The following MRTFA variants were observed in gnomAD, a reference collection of about 807,000 sequenced individuals.
MRTFA encodes myocardin related transcription factor A.
Under a neutral mutation model 83.5 loss-of-function variants are expected in MRTFA, and 20 were observed. That is an observed-to-expected ratio of 0.24 (90% CI 0.17 to 0.35). The LOEUF (loss-of-function observed/expected upper bound fraction) is 0.35. Among genes scored for constraint, MRTFA ranks in the 10% least tolerant of loss-of-function variants. The pLI is 1.00. For missense variants in MRTFA, 1,200 were observed against 1,224.7 expected (o/e 0.98, Z 0.30); for synonymous variants, 659 against 541.2 (o/e 1.22, Z -3.02).
At chr22:40,556,335 A>C (rs1367771403) in intron 2 of MRTFA, among the ~76,000 whole-genome samples, 3 of 152,204 alleles carry the variant, frequency 2.0e-5, no homozygotes, top group African/African-American at 7.2e-5. Context: ...TTATGATCTA[A>C]CTTCAAGTAA....
intron 4 of MRTFA, among the ~76,000 whole-genome samples, chr22:40,461,748 C>G (rs1485422014): frequency 6.6e-6 from 1 of 151,460 alleles, no homozygotes; most frequent in Admixed American, 6.6e-5. Flanking sequence ...GCAGTGAGCC[C>G]AGATTATGCC....
At chr22:40,567,464 C>G (rs1453839912) in intron 2 of MRTFA, among the ~76,000 whole-genome samples, 1 of 152,168 alleles carries the variant, frequency 6.6e-6, no homozygotes. Context: ...ATCATCTGCA[C>G]ATATTTTGTG....
intron 3 of MRTFA, among the ~76,000 whole-genome samples, chr22:40,530,468 T>C (rs1262664644): frequency 6.6e-6 from 1 of 152,188 alleles, no homozygotes; most frequent in African/African-American, 2.4e-5. Flanking sequence ...GGCTAATTTC[T>C]GTATTTTTAG....
chr22:40,628,594 CAATAAG>C (rs1407032125), intron 1 of MRTFA, among the ~76,000 whole-genome samples: 2 of 151,258 alleles, frequency 1.3e-5, no homozygotes, highest in African/African-American at 2.4e-5. Context: ...AAATGCATAT[CAATAAG>C]AATGAGTGGG....
chr22:40,604,128 CTTTT>C (rs959099655), intron 1 of MRTFA, among the ~76,000 whole-genome samples: 2 of 140,852 alleles, frequency 1.4e-5, no homozygotes, highest in African/African-American at 5.2e-5. Flanking sequence ...CTGTTAGTTT[CTTTT>C]TTTTTTTTTT....
At chr22:40,542,234 C>T (rs1424477643) in intron 3 of MRTFA, among the ~76,000 whole-genome samples, 1 of 152,148 alleles carries the variant, frequency 6.6e-6, no homozygotes, top group Non-Finnish European at 1.5e-5. Flanking sequence ...TTCACACACG[C>T]TATTACTTCT....
At chr22:40,634,638 T>C (rs2056675496) in intron 1 of MRTFA, among the ~76,000 whole-genome samples, 1 of 152,180 alleles carries the variant, frequency 6.6e-6, no homozygotes, top group Admixed American at 6.5e-5. Flanking sequence ...CTCACTTATC[T>C]TGACAGCCCC....
chr22:40,483,364 C>T (rs1011737981), intron 3 of MRTFA, among the ~76,000 whole-genome samples: 4 of 149,988 alleles, frequency 2.7e-5, no homozygotes, highest in African/African-American at 9.9e-5. Context: ...TATGACAGAC[C>T]TAAAGTAATT....
At chr22:40,438,345 A>G (rs2053210751) in intron 4 of MRTFA, among the ~76,000 whole-genome samples, 1 of 152,242 alleles carries the variant, frequency 6.6e-6, no homozygotes, top group Admixed American at 6.5e-5. Flanking sequence ...ATTCACTTAC[A>G]GGCCAGCTAG....
intron 4 of MRTFA, among the ~76,000 whole-genome samples, chr22:40,461,809 A>C: frequency 6.6e-6 from 1 of 151,962 alleles, no homozygotes. Context: ...AAAAAAAAAA[A>C]TTAAAATTAA....
rs147864441 is a variant in MRTFA at position 40,561,724 on chromosome 22, T to C, written c.-21-9357A>G. 1.4e-4 allele frequency among the ~76,000 whole-genome samples: 21 copies of C among 152,248 alleles called. 1 individual carries two copies. In the South Asian group the frequency reaches 3.7e-3, roughly 27 times the overall value. ...ATATAACAAAACAATGGAAAGCACA[T>C]GGAAGAGTAATGTGGCAGATTAAAG... On this transcript the variant is annotated intron_variant, in intron 2 of 14. Transcript: ENST00000355630.
chr22:40,499,550 G>C (rs938614284), intron 3 of MRTFA, among the ~76,000 whole-genome samples: 11 of 151,996 alleles, frequency 7.2e-5, no homozygotes, highest in African/African-American at 2.7e-4. Flanking sequence ...TATTTCTCAA[G>C]CCAGAAGAAA....
chr22:40,530,295 GTTGTTT>G (rs2055055829), intron 3 of MRTFA, among the ~76,000 whole-genome samples: 1 of 152,058 alleles, frequency 6.6e-6, no homozygotes, highest in Admixed American at 6.5e-5. Context: ...TATTTGTTTT[GTTGTTT>G]TTGTTTTTGT....
At chr22:40,520,429 C>G (rs926767790) in intron 3 of MRTFA, among the ~76,000 whole-genome samples, 1 of 150,726 alleles carries the variant, frequency 6.6e-6, no homozygotes, top group African/African-American at 2.4e-5. Flanking sequence ...TTTTTTAAGA[C>G]GAGTCTCGTT....
chr22:40,483,048 G>C lies in MRTFA; in HGVS notation c.242-19762C>G, dbSNP rs185665616. Among the ~76,000 whole-genome samples, 705 of 152,126 alleles carry C rather than the reference G, an allele frequency of 4.6e-3. 13 individuals carry two copies. The highest frequency in any genetic ancestry group is 0.016 in the African/African-American group (657 of 41,456). On this transcript the variant is annotated intron_variant, in intron 3 of 14. Transcript: ENST00000355630. ...CCACGGCACTCCAGCCTGAACAAGA[G>C]TGAGCCCGTCTCAAAAAAACAAAAC...
chr22:40,442,857 A>C (rs910669761), intron 4 of MRTFA, among the ~76,000 whole-genome samples: 5 of 152,192 alleles, frequency 3.3e-5, no homozygotes, highest in Non-Finnish European at 7.3e-5. Flanking sequence ...TAAAAGAACA[A>C]GGCAAGCTCA....
intron 1 of MRTFA, among the ~76,000 whole-genome samples, chr22:40,612,748 T>C (rs559105695): frequency 5.9e-5 from 9 of 152,304 alleles, no homozygotes; most frequent in East Asian, 5.8e-4. Flanking sequence ...AGGAGTTTGA[T>C]ACCAGCCCGG....
At chr22:40,497,653 T>A (rs1435382369) in intron 3 of MRTFA, among the ~76,000 whole-genome samples, 1 of 152,048 alleles carries the variant, frequency 6.6e-6, no homozygotes, top group Non-Finnish European at 1.5e-5. Flanking sequence ...CTCAGGAGGC[T>A]GAGTCAGGAG....
At chr22:40,562,290 A>G (rs1444300366) in intron 2 of MRTFA, among the ~76,000 whole-genome samples, 1 of 151,544 alleles carries the variant, frequency 6.6e-6, no homozygotes. Flanking sequence ...AGCTTTCCAG[A>G]CATCCCCACA....
Sources: gnomAD v4.1 joint callset for allele counts (sites outside exome capture counted in the v4.1 genomes callset) on GRCh38, gnomAD v4.1.1 for gene constraint, MANE v1.5 for transcripts, NCBI Gene and HGNC (gene_info 2026-07-23, HGNC 2026-07-21) for gene names.